The following DNAH12 variants were observed in gnomAD, a reference collection of about 807,000 sequenced individuals.
The protein encoded by DNAH12 is dynein axonemal heavy chain 12, also known as axonemal beta dynein heavy chain 12.
DNAH12 carries 285 observed loss-of-function variants against 371.5 expected under a neutral mutation model. The ratio of observed to expected loss-of-function variants is 0.77; its 90% CI spans 0.70 to 0.85. The LOEUF (loss-of-function observed/expected upper bound fraction) is 0.85, where lower values mean the gene tolerates loss of function less well. Among genes scored for constraint, DNAH12 ranks in the 40% least tolerant of loss-of-function variants. The pLI is 0.00. For missense variants in DNAH12, 3,611 were observed against 3,689.4 expected, an observed-to-expected ratio of 0.98 and a Z score of 0.55; for synonymous variants, 1,200 against 1,213.0, an observed-to-expected ratio of 0.99 and a Z score of 0.22.
intron 32 of DNAH12, among the ~76,000 whole-genome samples, chr3:57,432,019 T>A (rs2064969605): frequency 6.6e-6 from 1 of 152,156 alleles, no homozygotes; most frequent in Non-Finnish European, 1.5e-5. Context: ...TCTGCTTGGC[T>A]CTGAACCCTT....
intron 60 of DNAH12, among the ~76,000 whole-genome samples, chr3:57,349,108 C>T (rs1422345564): frequency 1.3e-5 from 2 of 152,078 alleles, no homozygotes; most frequent in Non-Finnish European, 2.9e-5. Flanking sequence ...CCAGAATCTA[C>T]AAGGAACTCA....
In DNAH12 at chr3:57,470,518, T is replaced by C. The variant is rs1025232388; in HGVS notation, c.2030A>G (p.Asp677Gly). The C allele has an allele frequency of 3.2e-5, 50 of 1,550,082 alleles. No homozygotes were observed. Among genetic ancestry groups the C allele is most frequent in the Non-Finnish European group, 4.2e-5 (48 of 1,146,644 alleles). Residue 677 changes from aspartate to glycine, a missense_variant, in exon 16 of 74, where the codon GAT (aspartate) becomes GGT (glycine). Around this residue, in one of 3 missense-constraint regions of DNAH12, gnomAD observed 1,314 missense variants for 1,398.7 expected, o/e 0.94. Coordinates refer to ENST00000495027, the MANE Select transcript of DNAH12 (RefSeq NM_001366028.2). ...KWELTKYPEL[D>G]KLKVNIEPYQ... ...GGGCTCAATGTTAACTTTTAATTTA[T>C]CCAGTTCAGGATATTTTGTCAATTC... is the stretch of plus-strand genomic sequence containing the variant.
Position 57,470,648 on chromosome 3 carries a change from T to C in DNAH12, c.1912-12A>G, listed in dbSNP as rs1417377412. ...ACATCTGTCACATACTGAAAGTAAA[T>C]AAGTTTTTTGTCTTAAAAAAAATTC... is the stretch of plus-strand genomic sequence containing the variant. On this transcript the variant is annotated splice_polypyrimidine_tract_variant and intron_variant, in intron 15 of 73. Coordinates refer to ENST00000495027, the MANE Select transcript of DNAH12 (RefSeq NM_001366028.2). 6 of 1,516,138 alleles carry C rather than the reference T, an allele frequency of 4.0e-6. No homozygotes were observed. The Admixed American group carries it at 7.8e-5, about 20-fold the overall frequency. 93.9% of individuals were successfully genotyped at this position (1,516,138 alleles called of 1,614,324 possible).
In DNAH12 at chr3:57,313,351, AC is replaced by A. The variant is rs2061619366; in HGVS notation, c.10662+1142del. Among the ~76,000 whole-genome samples, 8 of 152,284 alleles carry A rather than the reference AC, an allele frequency of 5.3e-5. 1 individual carries two copies. The South Asian group carries it at 1.7e-3, about 32-fold the overall frequency. ...TCTCTACAAAATACGTTTAAAAAAAACAACAACAAACTTACAAGGGGCCGGG... is the reference window on the plus strand; with the variant it reads ...TCTCTACAAAATACGTTTAAAAAAAAAACAACAAACTTACAAGGGGCCGGG... On this transcript the variant is annotated intron_variant, in intron 66 of 73. Coordinates refer to ENST00000495027, the MANE Select transcript of DNAH12 (RefSeq NM_001366028.2).
chr3:57,444,021 T>C (rs1477310818), intron 29 of DNAH12, among the ~76,000 whole-genome samples: 2 of 151,956 alleles, frequency 1.3e-5, no homozygotes, highest in Admixed American at 6.6e-5. Flanking sequence ...CTGCCCAACA[T>C]GGAGAAACCC....
At chr3:57,489,955 A>C (rs1019478998) in intron 11 of DNAH12, among the ~76,000 whole-genome samples, 1 of 152,158 alleles carries the variant, frequency 6.6e-6, no homozygotes, top group Non-Finnish European at 1.5e-5. Context: ...TCCCTCAATA[A>C]TTATTTTTTA....
intron 13 of DNAH12, among the ~76,000 whole-genome samples, chr3:57,473,697 A>G (rs1465427148): frequency 1.1e-5 from 1 of 90,600 alleles, no homozygotes; most frequent in Non-Finnish European, 2.4e-5. Context: ...ACATATATAT[A>G]CATACATCTA....
intron 20 of DNAH12, among the ~76,000 whole-genome samples, chr3:57,458,776 T>C (rs1374036421): frequency 1.3e-5 from 2 of 152,204 alleles, no homozygotes; most frequent in African/African-American, 4.8e-5. Flanking sequence ...CTCTGGCTGC[T>C]TTCTCACTGC....
intron 57 of DNAH12, among the ~76,000 whole-genome samples, chr3:57,364,469 C>T (rs911012725): frequency 1.3e-5 from 2 of 152,046 alleles, no homozygotes; most frequent in Admixed American, 6.6e-5. Context: ...ACTAGTAGCC[C>T]TCCCAGGTAC....
At chr3:57,365,621 T>C (rs1272051615) in intron 57 of DNAH12, among the ~76,000 whole-genome samples, 4 of 152,052 alleles carry the variant, frequency 2.6e-5, no homozygotes, top group Admixed American at 6.6e-5. Flanking sequence ...AAAATAAAAA[T>C]AGTACATATA....
intron 11 of DNAH12, among the ~76,000 whole-genome samples, chr3:57,491,252 T>C (rs1229541332): frequency 6.6e-6 from 1 of 152,096 alleles, no homozygotes; most frequent in East Asian, 1.9e-4. Context: ...AACTATATTA[T>C]TTAAGTATAC....
chr3:57,537,550 G>A (rs1329453184), intron 2 of DNAH12, among the ~76,000 whole-genome samples: 2 of 152,026 alleles, frequency 1.3e-5, no homozygotes, highest in South Asian at 2.1e-4. Context: ...AGAAGTCTGC[G>A]CTCCTGTCAT....
intron 57 of DNAH12, among the ~76,000 whole-genome samples, chr3:57,364,425 G>C (rs1315338765): frequency 6.6e-6 from 1 of 152,092 alleles, no homozygotes; most frequent in African/African-American, 2.4e-5. Context: ...TTAGATTCAA[G>C]TGAAATCAGA....
At chr3:57,435,341 C>G (rs73076405) in intron 30 of DNAH12, among the ~76,000 whole-genome samples, 15,959 of 135,326 alleles carry the variant, frequency 0.12, 1,011 homozygotes, top group Middle Eastern at 0.17. Flanking sequence ...CACTGCATTC[C>G]AGCCTGGGTG....
chr3:57,319,465 A>T (rs945047959), intron 65 of DNAH12, among the ~76,000 whole-genome samples: 2 of 151,992 alleles, frequency 1.3e-5, no homozygotes, highest in Non-Finnish European at 2.9e-5. Context: ...TACAGGAAAA[A>T]TTTTCAGTTT....
At chr3:57,489,754 T>C in intron 11 of DNAH12, 67 bp from the exon 12 acceptor site, 1 of 1,386,400 alleles carries the variant, frequency 7.2e-7, no homozygotes, top group Non-Finnish European at 9.6e-7. Context: ...TAATATTGTA[T>C]TGTTATGAAA....
chr3:57,474,833 G>A (rs1475276866), intron 13 of DNAH12, among the ~76,000 whole-genome samples: 2 of 151,682 alleles, frequency 1.3e-5, no homozygotes, highest in East Asian at 2.0e-4. Context: ...GGTGCTAGCT[G>A]GGCGTGGTGG....
chr3:57,329,179 A>G (rs1051169765), intron 62 of DNAH12, among the ~76,000 whole-genome samples: 4 of 144,856 alleles, frequency 2.8e-5, no homozygotes, highest in African/African-American at 1.1e-4. Context: ...TCAAGCTACC[A>G]ATGCCTTTCT....
intron 25 of DNAH12, among the ~76,000 whole-genome samples, chr3:57,448,380 T>G (rs912620345): frequency 1.3e-5 from 2 of 152,066 alleles, no homozygotes; most frequent in African/African-American, 4.8e-5. Context: ...GTGCTCTCAC[T>G]GGCTTCAGGA....
Sources: gnomAD v4.1 joint callset for allele counts (sites outside exome capture counted in the v4.1 genomes callset) on GRCh38, gnomAD v4.1.1 for gene constraint, gnomAD v4.1.1 regional missense constraint, MANE v1.5 for transcripts, NCBI Gene and HGNC (gene_info 2026-07-23, HGNC 2026-07-21) for gene names.